CHIC2: variants seen among roughly 807,000 people sequenced by gnomAD.
CHIC2 encodes the protein cysteine-rich hydrophobic domain-containing protein 2.
Under a neutral mutation model 25.9 loss-of-function variants are expected in CHIC2, and 14 were observed. That is an observed-to-expected ratio of 0.54 (90% confidence interval 0.36 to 0.85). The LOEUF is 0.85. CHIC2 is among the 40% of genes least tolerant of loss of function. The pLI is 0.01. For synonymous variants in CHIC2, 70 were observed against 72.0 expected, an observed-to-expected ratio of 0.97 and a Z score of 0.14; for missense variants, 146 against 202.0, an observed-to-expected ratio of 0.72 and a Z score of 1.68.
intron 3 of CHIC2, among the ~76,000 whole-genome samples, chr4:54,014,589 T>G (rs1715688078): frequency 6.6e-6 from 1 of 152,132 alleles, no homozygotes; most frequent in South Asian, 2.1e-4. Flanking sequence ...AATTTTCACA[T>G]CATGCTTAAA....
At chr4:54,049,532 G>C (rs1716938802) in intron 1 of CHIC2, among the ~76,000 whole-genome samples, 1 of 152,116 alleles carries the variant, frequency 6.6e-6, no homozygotes, top group Admixed American at 6.6e-5. Flanking sequence ...GGGGCTGAAT[G>C]TTAATTAACC....
chr4:54,047,445 T>C (rs1244421745), intron 3 of CHIC2, among the ~76,000 whole-genome samples: 1 of 152,052 alleles, frequency 6.6e-6, no homozygotes, highest in African/African-American at 2.4e-5. Flanking sequence ...GTGGCACATA[T>C]ACACCATGGA....
intron 1 of CHIC2, among the ~76,000 whole-genome samples, chr4:54,062,640 T>C (rs1717372708): frequency 1.3e-5 from 2 of 152,168 alleles, no homozygotes. Flanking sequence ...AGAGGAAACA[T>C]TACAACTACA....
In CHIC2 at chr4:54,010,161, A is replaced by T. The variant is rs1477822363; in HGVS notation, c.448-16T>A. 6.3e-7 allele frequency: 1 copy of T among 1,582,010 alleles called. No individual in the cohort carries two copies. Among genetic ancestry groups the T allele is most frequent in the Non-Finnish European group, 8.6e-7 (1 of 1,158,964 alleles). ...TGAGGATGACCTGTAAAAGGAGAAG[A>T]AAAAGGTTTTAAAAGATTTAAACAA... On this transcript the variant is annotated splice_polypyrimidine_tract_variant and intron_variant, in intron 5 of 5. Coordinates refer to ENST00000263921, the MANE Select transcript of CHIC2 (RefSeq NM_012110.4).
chr4:54,035,163 A>G (rs548606725), intron 3 of CHIC2, among the ~76,000 whole-genome samples: 3 of 152,184 alleles, frequency 2.0e-5, no homozygotes, highest in South Asian at 2.1e-4. Flanking sequence ...TAGAAGTTTT[A>G]TATCTATGTT....
the CHIC2 span, among the ~76,000 whole-genome samples, chr4:54,074,449 A>G: frequency 5.6e-3 from 845 of 152,204 alleles, 10 homozygotes; most frequent in African/African-American, 0.019. Context: ...TTCTTTGCAC[A>G]TGGTACAGGG....
At chr4:54,039,703 C>T (rs1286127796) in intron 3 of CHIC2, among the ~76,000 whole-genome samples, 1 of 152,116 alleles carries the variant, frequency 6.6e-6, no homozygotes, top group Admixed American at 6.5e-5. Context: ...CCCGGCAATC[C>T]CCTTCCTAAA....
At chr4:54,013,568 C>G (rs1014437233) in intron 5 of CHIC2, among the ~76,000 whole-genome samples, 1 of 152,108 alleles carries the variant, frequency 6.6e-6, no homozygotes, top group Non-Finnish European at 1.5e-5. Context: ...AAATTTCACA[C>G]TCCATCAACA....
the CHIC2 span, among the ~76,000 whole-genome samples, chr4:54,088,718 T>C: frequency 2.0e-5 from 3 of 152,172 alleles, no homozygotes; most frequent in African/African-American, 4.8e-5. Flanking sequence ...TGAGAACAGA[T>C]TGTAGAGGCA....
chr4:54,043,159 C>T (rs573070928), intron 3 of CHIC2, among the ~76,000 whole-genome samples: 1 of 152,218 alleles, frequency 6.6e-6, no homozygotes, highest in East Asian at 1.9e-4. Flanking sequence ...CGGTGGCTCA[C>T]GCCTGTAATC....
the CHIC2 span, among the ~76,000 whole-genome samples, chr4:54,088,030 T>A: frequency 6.6e-6 from 1 of 152,208 alleles, no homozygotes; most frequent in Non-Finnish European, 1.5e-5. Context: ...TGGAACATTT[T>A]ATTGCCTAGT....
At chr4:54,023,393 C>T (rs1164285376) in intron 3 of CHIC2, among the ~76,000 whole-genome samples, 1 of 152,098 alleles carries the variant, frequency 6.6e-6, no homozygotes, top group Admixed American at 6.5e-5. Context: ...CTATTTTCTT[C>T]CTCCCACCTG....
At chr4:54,047,079 CA>C (rs1716852047) in intron 3 of CHIC2, among the ~76,000 whole-genome samples, 1 of 152,140 alleles carries the variant, frequency 6.6e-6, no homozygotes, top group Non-Finnish European at 1.5e-5. Flanking sequence ...CAGAGAAATG[CA>C]AATCAAAACC....
intron 3 of CHIC2, among the ~76,000 whole-genome samples, chr4:54,015,104 T>G (rs945666651): frequency 1.3e-5 from 2 of 152,170 alleles, no homozygotes; most frequent in South Asian, 2.1e-4. Context: ...TTTTAATATG[T>G]ATTTAAAGTA....
intron 4 of CHIC2, 76 bp from the exon 5 acceptor site, chr4:54,013,972 C>T: frequency 6.3e-7 from 1 of 1,595,114 alleles, no homozygotes; most frequent in Admixed American, 1.7e-5. Flanking sequence ...CATTTGTCCA[C>T]CTTTCATATT....
rs151271467 is a variant in CHIC2 at position 54,062,012 on chromosome 4, A to G, written c.119+2170T>C. 5.0e-3 allele frequency among the ~76,000 whole-genome samples: 759 copies of G among 152,304 alleles called. 6 individuals carry two copies. Among genetic ancestry groups the G allele is most frequent in the Non-Finnish European group, 5.4e-3 (370 of 68,008 alleles). ...TAATAAAAACTAGTATCTATTGAAC[A>G]TAGTACCACACAGTGCAATAAATTC... On this transcript the variant is annotated intron_variant, in intron 1 of 5. Transcript: ENST00000263921.
intron 3 of CHIC2, among the ~76,000 whole-genome samples, chr4:54,038,633 TAAAGAA>T (rs1275878249): frequency 2.0e-5 from 3 of 151,990 alleles, no homozygotes; most frequent in Admixed American, 6.5e-5. Context: ...CTAAAATTTA[TAAAGAA>T]AGGTAAAGAA....
chr4:54,067,490 A>G (rs762785861), upstream of CHIC2, among the ~76,000 whole-genome samples: 1 of 152,064 alleles, frequency 6.6e-6, no homozygotes, highest in Non-Finnish European at 1.5e-5. Flanking sequence ...TCCAAGATCC[A>G]GTTTCCTGTA....
At chr4:54,018,534 T>G (rs1275168840) in intron 3 of CHIC2, among the ~76,000 whole-genome samples, 1 of 152,062 alleles carries the variant, frequency 6.6e-6, no homozygotes, top group Non-Finnish European at 1.5e-5. Context: ...ACTCATTTAA[T>G]CACAATCAAT....
Sources: gnomAD v4.1 joint callset for allele counts (sites outside exome capture counted in the v4.1 genomes callset) on GRCh38, gnomAD v4.1.1 for gene constraint, MANE v1.5 for transcripts, NCBI Gene and HGNC (gene_info 2026-07-23, HGNC 2026-07-21) for gene names.